The following SMAD3 variants were observed in gnomAD, a reference collection of about 807,000 sequenced individuals.
SMAD3 encodes the protein SMAD family member 3, also known as MAD homolog 3.
In SMAD3, 12 loss-of-function variants were observed where a neutral mutation model predicts 51.8. That is an observed-to-expected ratio of 0.23 (90% CI 0.15 to 0.38). The LOEUF (loss-of-function observed/expected upper bound fraction) is 0.38, where lower values mean the gene tolerates loss of function less well. Ranked by LOEUF, SMAD3 falls within the 10% of genes least tolerant of loss-of-function variation. The probability of loss-of-function intolerance (pLI) is 1.00; values close to 1 mark genes in which losing one functional copy is unlikely to be tolerated. For synonymous variants in SMAD3, 238 were observed against 227.7 expected (o/e 1.05, Z -0.41); for missense variants, 294 against 565.6 (o/e 0.52, Z 4.87).
chr15:67,106,481 CTA>C (rs1017593055), intron 1 of SMAD3, among the ~76,000 whole-genome samples: 1 of 152,128 alleles, frequency 6.6e-6, no homozygotes, highest in African/African-American at 2.4e-5. Context: ...CATCTTAACT[CTA>C]TCCCCAATAC....
At chr15:67,155,347 A>G (rs1333035790) in intron 1 of SMAD3, among the ~76,000 whole-genome samples, 5 of 152,248 alleles carry the variant, frequency 3.3e-5, no homozygotes, top group Admixed American at 3.3e-4. Context: ...GTGAACCCCC[A>G]AATCAAACAT....
chr15:67,119,801 G>C lies in SMAD3; in HGVS notation c.207-45094G>C, dbSNP rs1961218116. On this transcript the variant is annotated intron_variant, in intron 1 of 8. Coordinates refer to ENST00000327367, the MANE Select transcript of SMAD3 (RefSeq NM_005902.4). ...AGTAACTTCAAGGGGTAAAGACTTT[G>C]AATTTTTTTTTTGGAGACAGAGTCT... Among the ~76,000 whole-genome samples, 2 of 151,904 alleles carry C rather than the reference G, an allele frequency of 1.3e-5. 1 individual carries two copies. Among genetic ancestry groups the C allele is most frequent in the South Asian group, 4.1e-4 (2 of 4,826 alleles).
intron 1 of SMAD3, among the ~76,000 whole-genome samples, chr15:67,087,340 G>T (rs572220947): frequency 9.2e-5 from 14 of 152,228 alleles, no homozygotes; most frequent in African/African-American, 2.9e-4. Flanking sequence ...GTCTGCAAGT[G>T]GGGGGGTGTT....
intron 1 of SMAD3, among the ~76,000 whole-genome samples, chr15:67,117,290 C>T (rs1961156855): frequency 6.6e-6 from 1 of 152,206 alleles, no homozygotes; most frequent in African/African-American, 2.4e-5. Context: ...TTGTGGGCCT[C>T]ACTCAAATGA....
At chr15:67,104,157 A>G (rs936258730) in intron 1 of SMAD3, among the ~76,000 whole-genome samples, 8 of 151,988 alleles carry the variant, frequency 5.3e-5, no homozygotes, top group Admixed American at 1.3e-4. Context: ...TCCGCCCCCA[A>G]CTTTTGACAA....
chr15:67,085,341 T>C (rs1286038626), intron 1 of SMAD3, among the ~76,000 whole-genome samples: 1 of 152,208 alleles, frequency 6.6e-6, no homozygotes, highest in Non-Finnish European at 1.5e-5. Context: ...GTCACTTTTC[T>C]GCCCTGGCCC....
intron 1 of SMAD3, among the ~76,000 whole-genome samples, chr15:67,104,025 G>A (rs1432796315): frequency 2.6e-5 from 4 of 152,140 alleles, no homozygotes; most frequent in African/African-American, 9.7e-5. Flanking sequence ...GTGCGTAGCC[G>A]AGAAAGTGCA....
chr15:67,170,720 C>T, intron 5 of SMAD3, 116 bp downstream of exon 5: 1 of 837,472 alleles, frequency 1.2e-6, no homozygotes, highest in Non-Finnish European at 2.0e-6. Context: ...TACCATCAGC[C>T]CAGCTCAGCC....
intron 1 of SMAD3, among the ~76,000 whole-genome samples, chr15:67,163,944 T>TAAAAAAGAA (rs1962499853): frequency 1.1e-5 from 1 of 87,916 alleles, no homozygotes; most frequent in African/African-American, 4.5e-5. Context: ...GTATCAAAAG[T>TAAAAAAGAA]AAAAAAAAAA....
intron 8 of SMAD3, among the ~76,000 whole-genome samples, chr15:67,188,800 T>G (rs1963289260): frequency 6.6e-6 from 1 of 152,274 alleles, no homozygotes; most frequent in Admixed American, 6.5e-5. Context: ...CCGTTTGTAA[T>G]GAAATCCAGA....
chr15:67,126,675 T>C (rs991157), intron 1 of SMAD3, among the ~76,000 whole-genome samples: 115,726 of 152,166 alleles, frequency 0.76, 44,363 homozygotes, highest in East Asian at 1. Flanking sequence ...CACACCATGT[T>C]CCAGGGCCCT....
At chr15:67,187,587 G>A (rs2140323983) in intron 8 of SMAD3, 78 bp downstream of exon 8, 1 of 1,552,502 alleles carries the variant, frequency 6.4e-7, no homozygotes, top group Non-Finnish European at 8.9e-7. Context: ...GGGCTCCTCA[G>A]AGATGAGCTA....
chr15:67,075,933 C>T (rs891457284), intron 1 of SMAD3, among the ~76,000 whole-genome samples: 100 of 150,062 alleles, frequency 6.7e-4, no homozygotes, highest in African/African-American at 2.2e-3. Context: ...AAAAAATCAA[C>T]GCAAGTGAGA....
intron 1 of SMAD3, among the ~76,000 whole-genome samples, chr15:67,092,924 A>G (rs1047447802): frequency 6.6e-6 from 1 of 152,178 alleles, no homozygotes; most frequent in African/African-American, 2.4e-5. Context: ...CTTCTGCATC[A>G]TGGAAAATGG....
rs1961444592 is a variant in SMAD3, at chr15:67,128,482, A to T, written c.207-36413A>T. On this transcript the variant is annotated intron_variant, in intron 1 of 8. Coordinates refer to ENST00000327367, the MANE Select transcript of SMAD3 (RefSeq NM_005902.4). ...GCTGGTGTGTGTAAAACCCAGGAAC[A>T]TAGTTCCTGGTGTATAGTGACTTAT... Among the ~76,000 whole-genome samples, 3 of 152,174 alleles carry T rather than the reference A, an allele frequency of 2.0e-5. No individual in the cohort carries two copies. In the South Asian group the frequency reaches 6.2e-4, roughly 31 times the overall value.
intron 1 of SMAD3, among the ~76,000 whole-genome samples, chr15:67,100,972 C>T (rs180671743): frequency 6.6e-6 from 1 of 152,316 alleles, no homozygotes; most frequent in African/African-American, 2.4e-5. Context: ...CACTGAGGAT[C>T]AGCTCTATTC....
chr15:67,139,228 G>A (rs1961752228), intron 1 of SMAD3, among the ~76,000 whole-genome samples: 2 of 152,178 alleles, frequency 1.3e-5, no homozygotes, highest in Non-Finnish European at 2.9e-5. Context: ...TTAAGAACCA[G>A]ATTTCTTCTC....
chr15:67,179,269 GTTTTGCCCCCTAGAAGACATCTGGCAA>G (rs1243738521), intron 5 of SMAD3, among the ~76,000 whole-genome samples: 1 of 152,158 alleles, frequency 6.6e-6, no homozygotes, highest in African/African-American at 2.4e-5. Context: ...ACTGGAGGCC[GTTTTGCCCCCTAGAAGACATCTGGCAA>G]TATCCGCAGC....
At chr15:67,123,593 G>A (rs1045014620) in intron 1 of SMAD3, among the ~76,000 whole-genome samples, 1 of 152,232 alleles carries the variant, frequency 6.6e-6, no homozygotes, top group African/African-American at 2.4e-5. Flanking sequence ...TTAATATTAT[G>A]AGCTTATCAT....
Sources: gnomAD v4.1 joint callset for allele counts (sites outside exome capture counted in the v4.1 genomes callset) on GRCh38, gnomAD v4.1.1 for gene constraint, MANE v1.5 for transcripts, NCBI Gene and HGNC (gene_info 2026-07-23, HGNC 2026-07-21) for gene names.